The following GAS2 variants were observed in gnomAD, a reference collection of about 807,000 sequenced individuals.
GAS2 encodes the protein growth arrest specific 2, also known as growth arrest-specific protein 2.
In GAS2, 20 loss-of-function variants were observed where a neutral mutation model predicts 37.5. The observed-to-expected ratio is 0.53, with a 90% CI of 0.37 to 0.77. GAS2 has a LOEUF of 0.77. GAS2 is among the 30% of genes least tolerant of loss of function. The pLI is 0.00. For missense variants in GAS2, 336 were observed against 373.4 expected (o/e 0.90, Z 0.82); for synonymous variants, 144 against 132.2 (o/e 1.09, Z -0.61).
At chr11:22,750,289 A>G (rs1853656348) in intron 6 of GAS2, among the ~76,000 whole-genome samples, 1 of 152,086 alleles carries the variant, frequency 6.6e-6, no homozygotes, top group South Asian at 2.1e-4. Context: ...AAGAGCTGGG[A>G]AAATGGTTGG....
chr11:22,782,790 T>G (rs1590125448), intron 7 of GAS2, among the ~76,000 whole-genome samples: 1 of 146,834 alleles, frequency 6.8e-6, no homozygotes, highest in Admixed American at 6.8e-5. Context: ...TTTTTGGCCG[T>G]ATAGTGTCTA....
chr11:22,710,462 G>GAT lies in GAS2; in HGVS notation c.268-15819_268-15818dup, dbSNP rs777211915. 1.3e-4 allele frequency among the ~76,000 whole-genome samples: 19 copies of GAT among 148,664 alleles called. No homozygotes were observed. The East Asian group carries it at 1.6e-3, about 13-fold the overall frequency. On this transcript the variant is annotated intron_variant, in intron 3 of 7. Transcript: ENST00000454584. ...TATTTGTTGGAAATGAAAAATTCAA[G>GAT]ATATATATATATGTGTGTAGATATA...
At chr11:22,727,748 T>A (rs186439110) in intron 4 of GAS2, among the ~76,000 whole-genome samples, 2 of 152,074 alleles carry the variant, frequency 1.3e-5, no homozygotes, top group African/African-American at 4.8e-5. Context: ...GTAAAAAAAT[T>A]TGGTGGAAGA....
chr11:22,656,442 T>C (rs983643953), intron 1 of GAS2, among the ~76,000 whole-genome samples: 1 of 152,222 alleles, frequency 6.6e-6, no homozygotes, highest in Admixed American at 6.5e-5. Flanking sequence ...GAAAAAATAG[T>C]ACCAAATTGT....
chr11:22,728,592 T>TA (rs956122239), intron 4 of GAS2, among the ~76,000 whole-genome samples: 12 of 151,664 alleles, frequency 7.9e-5, no homozygotes, highest in African/African-American at 2.2e-4. Flanking sequence ...TATAAAAATT[T>TA]AAAAATCTTT....
At chr11:22,634,032 T>C (rs1229834650) in intron 1 of GAS2, among the ~76,000 whole-genome samples, 1 of 152,148 alleles carries the variant, frequency 6.6e-6, no homozygotes, top group Non-Finnish European at 1.5e-5. Context: ...TTCAAACTGC[T>C]GAGGAAGACA....
At chr11:22,762,114 C>T (rs1236533877) in intron 7 of GAS2, among the ~76,000 whole-genome samples, 14 of 152,004 alleles carry the variant, frequency 9.2e-5, no homozygotes, top group South Asian at 2.1e-4. Flanking sequence ...TAATTTGTAA[C>T]GTAGAATTTA....
At chr11:22,717,380 A>G (rs913344900) in intron 3 of GAS2, among the ~76,000 whole-genome samples, 46 of 152,200 alleles carry the variant, frequency 3.0e-4, no homozygotes, top group African/African-American at 1.1e-3. Context: ...AAAGCATACA[A>G]AAACATAAAT....
intron 4 of GAS2, among the ~76,000 whole-genome samples, chr11:22,733,177 C>T (rs1043522090): frequency 1.3e-5 from 2 of 151,404 alleles, no homozygotes; most frequent in Non-Finnish European, 3.0e-5. Flanking sequence ...AAGTAGAAGA[C>T]ATGGCACTTG....
chr11:22,774,325 A>T (rs941942269), intron 7 of GAS2, among the ~76,000 whole-genome samples: 1 of 152,164 alleles, frequency 6.6e-6, no homozygotes, highest in African/African-American at 2.4e-5. Flanking sequence ...GTGATCTCCA[A>T]ATTTATTTAT....
At chr11:22,680,689 A>T (rs1329715419) in intron 2 of GAS2, among the ~76,000 whole-genome samples, 3 of 152,146 alleles carry the variant, frequency 2.0e-5, no homozygotes, top group Non-Finnish European at 4.4e-5. Flanking sequence ...TTTCAGCACC[A>T]CAATCTTCAA....
intron 2 of GAS2, 76 bp downstream of exon 2, chr11:22,675,090 C>T (rs1175714366): frequency 7.1e-7 from 1 of 1,418,230 alleles, no homozygotes; most frequent in African/African-American, 1.4e-5. Context: ...GTGTCCTTCA[C>T]CTAAGCATGT....
At chr11:22,700,391 C>A (rs1327926793) in intron 3 of GAS2, among the ~76,000 whole-genome samples, 1 of 152,008 alleles carries the variant, frequency 6.6e-6, no homozygotes, top group Non-Finnish European at 1.5e-5. Flanking sequence ...TTGCTTAGCT[C>A]AAAAGCCTTT....
intron 2 of GAS2, among the ~76,000 whole-genome samples, chr11:22,684,574 G>A (rs1849849780): frequency 1.3e-5 from 2 of 152,148 alleles, no homozygotes; most frequent in African/African-American, 4.8e-5. Context: ...AAAGGAAGGG[G>A]CTTTGAGAAA....
chr11:22,632,952 T>C (rs1858764444), intron 1 of GAS2, among the ~76,000 whole-genome samples: 1 of 152,114 alleles, frequency 6.6e-6, no homozygotes, highest in African/African-American at 2.4e-5. Flanking sequence ...AAATCTTTCA[T>C]TCATAACCTG....
chr11:22,665,979 A>G (rs368036791), upstream of GAS2, among the ~76,000 whole-genome samples: 7 of 152,334 alleles, frequency 4.6e-5, no homozygotes, highest in African/African-American at 1.7e-4. Flanking sequence ...AGTGTAATAC[A>G]TTTTATTTAT....
intron 3 of GAS2, among the ~76,000 whole-genome samples, chr11:22,710,122 A>G (rs993255481): frequency 1.3e-5 from 2 of 151,932 alleles, no homozygotes; most frequent in African/African-American, 4.8e-5. Flanking sequence ...TGTAACTAAC[A>G]TGCACATTGT....
chr11:22,684,099 C>A (rs1399582275), intron 2 of GAS2, among the ~76,000 whole-genome samples: 2 of 152,110 alleles, frequency 1.3e-5, no homozygotes, highest in African/African-American at 4.8e-5. Context: ...AAAAGCATAG[C>A]AGCAGAAATA....
chr11:22,673,724 T>C (rs930491502), intron 1 of GAS2, among the ~76,000 whole-genome samples: 7 of 152,162 alleles, frequency 4.6e-5, no homozygotes, highest in African/African-American at 1.4e-4. Context: ...CTGGCCAACA[T>C]GGCGAAACCC....
Sources: allele counts gnomAD v4.1 joint callset (sites outside exome capture counted in the v4.1 genomes callset), GRCh38; gene constraint gnomAD v4.1.1; transcripts MANE v1.5; gene names NCBI Gene and HGNC (gene_info 2026-07-23, HGNC 2026-07-21).